Variants in MCU observed in about 807,000 individuals in gnomAD.
The protein encoded by MCU is mitochondrial calcium uniporter.
MCU carries 12 observed loss-of-function variants against 45.2 expected under a neutral mutation model. That is an observed-to-expected ratio of 0.27 (90% CI 0.17 to 0.43). MCU has a LOEUF of 0.43. MCU is among the 20% of genes least tolerant of loss of function. The probability of loss-of-function intolerance (pLI) is 1.00; values close to 1 mark genes in which losing one functional copy is unlikely to be tolerated. For missense variants in MCU, 324 were observed against 436.7 expected, an observed-to-expected ratio of 0.74 and a Z score of 2.30; for synonymous variants, 160 against 165.1, an observed-to-expected ratio of 0.97 and a Z score of 0.24.
At chr10:72,721,014 T>C (rs944573925) in intron 1 of MCU, 4 of 153,894 alleles carry the variant, frequency 2.6e-5, no homozygotes, top group Non-Finnish European at 5.9e-5. Context: ...AGAATAGTTC[T>C]TTATATCCAG....
At chr10:72,767,177 CTTTT>C (rs199498439) in intron 1 of MCU, 96 of 151,310 alleles carry the variant, frequency 6.3e-4, no homozygotes, top group African/African-American at 2.3e-3. Context: ...GATTTCATGT[CTTTT>C]TTTTTATTTT....
At chr10:72,748,338 G>T (rs1843444392) in intron 1 of MCU, among the ~76,000 whole-genome samples, 2 of 152,202 alleles carry the variant, frequency 1.3e-5, no homozygotes, top group African/African-American at 2.4e-5. Context: ...GTGTGCCACC[G>T]CACCGGCCAA....
At chr10:72,881,507 G>T (rs1462914294) in intron 6 of MCU, among the ~76,000 whole-genome samples, 1 of 152,112 alleles carries the variant, frequency 6.6e-6, no homozygotes, top group Non-Finnish European at 1.5e-5. Flanking sequence ...AACATAGCAA[G>T]ATCCCATCTC....
chr10:72,850,508 C>G (rs558101802), intron 2 of MCU, among the ~76,000 whole-genome samples: 1 of 152,062 alleles, frequency 6.6e-6, no homozygotes, highest in African/African-American at 2.4e-5. Context: ...GAACACCAGC[C>G]AAACTTCATA....
chr10:72,763,016 A>G (rs1341157459), intron 1 of MCU, among the ~76,000 whole-genome samples: 1 of 151,942 alleles, frequency 6.6e-6, no homozygotes, highest in African/African-American at 2.4e-5. Context: ...TCCTTGGTTC[A>G]TGATTTTTTT....
chr10:72,706,358 A>C (rs1054859838), intron 1 of MCU, among the ~76,000 whole-genome samples: 1 of 152,160 alleles, frequency 6.6e-6, no homozygotes, highest in Non-Finnish European at 1.5e-5. Context: ...CTCAGAAGGT[A>C]TAACAATATA....
At chr10:72,834,190 T>A (rs1022248869) in intron 1 of MCU, among the ~76,000 whole-genome samples, 169 bp from the exon 2 acceptor site, 1 of 152,220 alleles carries the variant, frequency 6.6e-6, no homozygotes, top group Non-Finnish European at 1.5e-5. Context: ...TATTTCAGGA[T>A]GATAGGAGTT....
chr10:72,797,193 T>A (rs2042792533), intron 1 of MCU, among the ~76,000 whole-genome samples: 3 of 151,808 alleles, frequency 2.0e-5, no homozygotes, highest in Admixed American at 2.0e-4. Context: ...TGCCTTGCTG[T>A]TTCTACTTTA....
chr10:72,854,317 G>A (rs976387417), intron 2 of MCU, among the ~76,000 whole-genome samples: 2 of 151,922 alleles, frequency 1.3e-5, no homozygotes, highest in African/African-American at 2.4e-5. Flanking sequence ...GTTTTAAAAA[G>A]GCAGACAGAG....
chr10:72,707,970 A>G (rs1188953091), intron 1 of MCU, among the ~76,000 whole-genome samples: 1 of 152,102 alleles, frequency 6.6e-6, no homozygotes, highest in Non-Finnish European at 1.5e-5. Flanking sequence ...CACCACGTTC[A>G]GTTCAAAAAA....
chr10:72,846,862 T>G (rs1031867641), intron 2 of MCU, among the ~76,000 whole-genome samples: 1 of 152,054 alleles, frequency 6.6e-6, no homozygotes, highest in African/African-American at 2.4e-5. Context: ...ATAATCCAAA[T>G]GGAGAGGAAT....
At chr10:72,868,366 C>A (rs1218926545) in intron 4 of MCU, among the ~76,000 whole-genome samples, 1 of 151,910 alleles carries the variant, frequency 6.6e-6, no homozygotes, top group Non-Finnish European at 1.5e-5. Flanking sequence ...CTGGGCAACA[C>A]GGTGAAAACT....
intron 6 of MCU, among the ~76,000 whole-genome samples, chr10:72,881,645 A>G (rs1845702801): frequency 6.6e-6 from 1 of 152,258 alleles, no homozygotes. Context: ...TATCCAGAAT[A>G]TATAAACAAA....
intron 6 of MCU, among the ~76,000 whole-genome samples, chr10:72,872,238 C>T (rs1845552716): frequency 6.6e-6 from 1 of 151,918 alleles, no homozygotes. Flanking sequence ...GGCATATCTC[C>T]CTCAAACATG....
chr10:72,712,739 C>T (rs1186203490), intron 1 of MCU, among the ~76,000 whole-genome samples: 1 of 152,096 alleles, frequency 6.6e-6, no homozygotes, highest in Non-Finnish European at 1.5e-5. Flanking sequence ...ACATATTAGT[C>T]AATGTATATT....
At chr10:72,715,770 G>A in intron 1 of MCU, 1 of 598,762 alleles carries the variant, frequency 1.7e-6, no homozygotes, top group Non-Finnish European at 2.1e-6. Context: ...AGGTCATCTT[G>A]TAAATTTTGC....
At chr10:72,730,633 G>A (rs747240008) in intron 1 of MCU, 1 of 152,092 alleles carries the variant, frequency 6.6e-6, no homozygotes, top group Non-Finnish European at 1.5e-5. Context: ...CCCTGTAGAT[G>A]TTTTGCTAAG....
intron 5 of MCU, among the ~76,000 whole-genome samples, chr10:72,869,288 A>T (rs893352654): frequency 6.6e-6 from 1 of 152,234 alleles, no homozygotes; most frequent in Non-Finnish European, 1.5e-5. Context: ...GGAAAAAAAC[A>T]ATAAAACATA....
At chr10:72,749,801 C>T (rs567847618) in intron 1 of MCU, among the ~76,000 whole-genome samples, 15 of 152,220 alleles carry the variant, frequency 9.9e-5, no homozygotes, top group Non-Finnish European at 2.1e-4. Context: ...GAGTCTTGCT[C>T]TGTTGCCCAG....
Sources: gnomAD v4.1 joint callset for allele counts (sites outside exome capture counted in the v4.1 genomes callset) on GRCh38, gnomAD v4.1.1 for gene constraint, MANE v1.5 for transcripts, NCBI Gene and HGNC (gene_info 2026-07-23, HGNC 2026-07-21) for gene names.